Variants in DOCK7 observed in about 807,000 individuals in gnomAD.
The protein encoded by DOCK7 is dedicator of cytokinesis protein 7.
A neutral mutation model predicts 271.0 loss-of-function variants in DOCK7; 138 were observed. That is an observed-to-expected ratio of 0.51 (90% CI 0.44 to 0.59). DOCK7 has a LOEUF of 0.59. Among genes scored for constraint, DOCK7 ranks in the 20% least tolerant of loss-of-function variants. The pLI is 0.00. For missense variants in DOCK7, 2,066 were observed against 2,592.4 expected (o/e 0.80, Z 4.41); for synonymous variants, 823 against 876.1 (o/e 0.94, Z 1.07).
Position 62,510,557 on chromosome 1 carries a change from A to C in DOCK7, c.4379+20T>G. On this transcript the variant is annotated intron_variant, in intron 34 of 49. Transcript: ENST00000635253. ...AATTCAACACACCCATCAGTAACAT[A>C]AAATAGAAAGCTGTATTACTTGTCA... The C allele has an allele frequency of 6.3e-7, 1 of 1,592,322 alleles. No homozygotes were observed. The highest frequency in any genetic ancestry group is 1.1e-5 in the South Asian group (1 of 87,594).
intron 15 of DOCK7, chr1:62,584,643 C>A: frequency 7.6e-7 from 1 of 1,322,368 alleles, no homozygotes. Flanking sequence ...TACTTTTAAT[C>A]ATTTAGCAAT....
intron 2 of DOCK7, among the ~76,000 whole-genome samples, chr1:62,661,564 T>C (rs1380528546): frequency 6.6e-6 from 1 of 152,158 alleles, no homozygotes; most frequent in Non-Finnish European, 1.5e-5. Context: ...ATATTATTTC[T>C]AGGGCAGTAT....
chr1:62,672,789 G>A (rs1160130492), intron 1 of DOCK7, among the ~76,000 whole-genome samples: 7 of 152,102 alleles, frequency 4.6e-5, no homozygotes, highest in Non-Finnish European at 1.5e-5. Flanking sequence ...ATGAAAGGTA[G>A]AGGCAGGGTT....
At chr1:62,553,400 ATT>A (rs67238730) in intron 21 of DOCK7, among the ~76,000 whole-genome samples, 12 of 109,418 alleles carry the variant, frequency 1.1e-4, no homozygotes, top group Admixed American at 1.0e-3. Context: ...GGCAGGTGCC[ATT>A]TTTTTTTTTA....
chr1:62,508,227 T>G (rs1223914396), intron 34 of DOCK7, among the ~76,000 whole-genome samples, 169 bp from the exon 35 acceptor site: 2 of 152,192 alleles, frequency 1.3e-5, no homozygotes, highest in African/African-American at 2.4e-5. Context: ...TTTATGCAGC[T>G]TTTTTGTTAA....
intron 7 of DOCK7, 107 bp downstream of exon 7, chr1:62,647,584 C>T (rs1571893231): frequency 1.3e-6 from 1 of 758,202 alleles, no homozygotes. Context: ...CAATACTTCT[C>T]AAAAGGACAC....
intron 12 of DOCK7, among the ~76,000 whole-genome samples, chr1:62,622,289 G>A (rs980522034): frequency 6.6e-6 from 1 of 152,122 alleles, no homozygotes; most frequent in Admixed American, 6.5e-5. Context: ...TAGTCTAGCT[G>A]ATACCCTTTC....
At chr1:62,590,887 T>C (rs964636309) in intron 14 of DOCK7, among the ~76,000 whole-genome samples, 1 of 152,176 alleles carries the variant, frequency 6.6e-6, no homozygotes, top group Non-Finnish European at 1.5e-5. Context: ...ACTTATACAC[T>C]GTTGGTGGGA....
chr1:62,664,802 T>C (rs1038995029), intron 1 of DOCK7, among the ~76,000 whole-genome samples: 1 of 145,822 alleles, frequency 6.9e-6, no homozygotes, highest in Non-Finnish European at 1.5e-5. Flanking sequence ...AAAAAAAAGT[T>C]AACGACAAGG....
At chr1:62,553,354 ATTTTTTTTTTTTTTTTT>A (rs1159680880) in intron 21 of DOCK7, among the ~76,000 whole-genome samples, 1,081 of 17,026 alleles carry the variant, frequency 0.063, 17 homozygotes, top group East Asian at 0.14. Context: ...ATATATATAT[ATTTTTTTTTTTTTTTTT>A]TTTTTTTTTT....
intron 12 of DOCK7, among the ~76,000 whole-genome samples, chr1:62,622,886 T>C (rs1653456668): frequency 6.6e-6 from 1 of 152,022 alleles, no homozygotes; most frequent in South Asian, 2.1e-4. Context: ...GCCGAGACTG[T>C]GCCACTGCAC....
chr1:62,687,744 AGCCGCCGCGC>A (rs1391435183), intron 1 of DOCK7: 2 of 151,418 alleles, frequency 1.3e-5, no homozygotes, highest in Non-Finnish European at 2.9e-5. Flanking sequence ...ACCCGCCCCG[AGCCGCCGCGC>A]GTTTCTCCTT....
chr1:62,664,782 TAAA>T (rs10710205), intron 1 of DOCK7, among the ~76,000 whole-genome samples: 6 of 137,208 alleles, frequency 4.4e-5, no homozygotes, highest in Admixed American at 7.3e-5. Flanking sequence ...TCTACTAGTT[TAAA>T]AAAAAAAAAA....
chr1:62,516,228 T>G (rs922749198), intron 31 of DOCK7, among the ~76,000 whole-genome samples: 1 of 152,148 alleles, frequency 6.6e-6, no homozygotes, highest in African/African-American at 2.4e-5. Context: ...TTTGCCTACA[T>G]TAAAAATGAG....
intron 18 of DOCK7, among the ~76,000 whole-genome samples, chr1:62,566,184 G>A (rs1646508751): frequency 6.6e-6 from 1 of 151,938 alleles, no homozygotes. Context: ...ACTTTCTTCA[G>A]AGAACTGGAA....
chr1:62,667,713 T>C (rs1054411042), intron 1 of DOCK7, among the ~76,000 whole-genome samples: 1 of 152,022 alleles, frequency 6.6e-6, no homozygotes, highest in African/African-American at 2.4e-5. Context: ...AGAGACTCCA[T>C]TTCAAAAATA....
rs190359967 is a variant in DOCK7, at chr1:62,504,143, G to A, written c.4764+487C>T. ...TACTAAATATCAGAACCAAGGAGAC[G>A]CCAAAAATAGCACTTAAAGGAAAAT... On this transcript the variant is annotated intron_variant, in intron 37 of 49. Coordinates refer to ENST00000635253, the MANE Select transcript of DOCK7 (RefSeq NM_001367561.1). 3.5e-4 allele frequency among the ~76,000 whole-genome samples: 53 copies of A among 151,492 alleles called. 1 individual carries two copies. The East Asian group carries it at 5.4e-3, about 16-fold the overall frequency.
intron 14 of DOCK7, among the ~76,000 whole-genome samples, chr1:62,613,765 C>T (rs1652098331): frequency 6.6e-6 from 1 of 152,056 alleles, no homozygotes; most frequent in South Asian, 2.1e-4. Context: ...AATTTTTTCC[C>T]TATGAGACCC....
intron 43 of DOCK7, 29 bp downstream of exon 43, chr1:62,487,369 T>C (rs1210162970): frequency 6.2e-7 from 1 of 1,602,212 alleles, no homozygotes; most frequent in Non-Finnish European, 8.5e-7. Flanking sequence ...AATCTATTAG[T>C]GTCTTTAACT....
Sources: gnomAD v4.1 joint callset for allele counts (sites outside exome capture counted in the v4.1 genomes callset) on GRCh38, gnomAD v4.1.1 for gene constraint, MANE v1.5 for transcripts, NCBI Gene and HGNC (gene_info 2026-07-23, HGNC 2026-07-21) for gene names.